Variants in ARHGEF4 observed in about 807,000 individuals in gnomAD.
The protein encoded by ARHGEF4 is Rho guanine nucleotide exchange factor 4, also known as APC-stimulated guanine nucleotide exchange factor 1.
A neutral mutation model predicts 162.0 loss-of-function variants in ARHGEF4; 119 were observed. The ratio of observed to expected loss-of-function variants is 0.73; its 90% CI spans 0.63 to 0.86. The LOEUF (loss-of-function observed/expected upper bound fraction) is 0.86, where lower values mean the gene tolerates loss of function less well. Ranked by LOEUF, ARHGEF4 falls within the 40% of genes least tolerant of loss-of-function variation. ARHGEF4 has a pLI of 0.00. For missense variants in ARHGEF4, 2,488 were observed against 2,456.0 expected (o/e 1.01, Z -0.28); for synonymous variants, 1,014 against 979.9 (o/e 1.03, Z -0.65).
chr2:131,033,197 A>G (rs1008624665), intron 5 of ARHGEF4, among the ~76,000 whole-genome samples: 5 of 152,176 alleles, frequency 3.3e-5, no homozygotes, highest in Admixed American at 3.3e-4. Flanking sequence ...TGAAACTCAC[A>G]TAGGAAAGCT....
chr2:130,855,570 GA>G (rs1479940071), intron 1 of ARHGEF4, among the ~76,000 whole-genome samples: 2 of 152,092 alleles, frequency 1.3e-5, no homozygotes, highest in Non-Finnish European at 2.9e-5. Flanking sequence ...AAGCTCCCCT[GA>G]GCCTTGGTGC....
chr2:130,964,676 C>G (rs898442145), intron 4 of ARHGEF4, among the ~76,000 whole-genome samples: 1 of 152,254 alleles, frequency 6.6e-6, no homozygotes. Context: ...GGAAGGGGGC[C>G]GCTGGCCGAG....
chr2:130,877,362 C>T (rs904602912), intron 1 of ARHGEF4, among the ~76,000 whole-genome samples: 2 of 152,146 alleles, frequency 1.3e-5, no homozygotes, highest in East Asian at 3.8e-4. Flanking sequence ...TGTGGAAAGC[C>T]TAACTTGAGC....
intron 1 of ARHGEF4, among the ~76,000 whole-genome samples, chr2:130,902,604 G>GAAAAGAAA (rs1680550601): frequency 6.6e-6 from 1 of 150,934 alleles, no homozygotes; most frequent in African/African-American, 2.4e-5. Flanking sequence ...AAAAATGAAA[G>GAAAAGAAA]GAAAGAAAAG....
At chr2:130,850,828 C>T (rs1681358929) in intron 1 of ARHGEF4, among the ~76,000 whole-genome samples, 1 of 152,252 alleles carries the variant, frequency 6.6e-6, no homozygotes, top group Non-Finnish European at 1.5e-5. Flanking sequence ...TACAGTCTTT[C>T]CAACAAGACC....
intron 2 of ARHGEF4, among the ~76,000 whole-genome samples, chr2:130,927,238 G>A (rs563250251): frequency 6.6e-6 from 1 of 152,200 alleles, no homozygotes; most frequent in East Asian, 1.9e-4. Context: ...GGTGGTGAAG[G>A]TGCTGGCTCT....
At chr2:130,958,891 G>A (rs1244174897) in intron 4 of ARHGEF4, among the ~76,000 whole-genome samples, 1 of 151,806 alleles carries the variant, frequency 6.6e-6, no homozygotes, top group Non-Finnish European at 1.5e-5. Context: ...GAGAGTCTTA[G>A]AGCAGATGTT....
At chr2:131,044,568 C>T (rs1315876836) in intron 12 of ARHGEF4, 26 bp downstream of exon 12, 1 of 1,539,952 alleles carries the variant, frequency 6.5e-7, no homozygotes, top group South Asian at 1.2e-5. Flanking sequence ...GGGCCTTGCC[C>T]CGCCCCCAGG....
chr2:130,895,615 T>C (rs1040490101), intron 1 of ARHGEF4, among the ~76,000 whole-genome samples: 8 of 152,252 alleles, frequency 5.3e-5, no homozygotes, highest in African/African-American at 1.9e-4. Context: ...TCACTTCATG[T>C]GCTTATTTGC....
intron 1 of ARHGEF4, among the ~76,000 whole-genome samples, chr2:130,845,559 A>C (rs1373194317): frequency 6.6e-6 from 1 of 151,584 alleles, no homozygotes; most frequent in South Asian, 2.1e-4. Flanking sequence ...GGCCTCCCAA[A>C]GTGCTGGGAT....
chr2:130,871,009 CAG>C (rs1371601848), intron 1 of ARHGEF4, among the ~76,000 whole-genome samples: 1 of 152,104 alleles, frequency 6.6e-6, no homozygotes, highest in African/African-American at 2.4e-5. Context: ...AGAGTGTGCT[CAG>C]GGGCTCCCTA....
intron 1 of ARHGEF4, among the ~76,000 whole-genome samples, chr2:130,853,933 A>T (rs1444647155): frequency 6.6e-6 from 1 of 152,188 alleles, no homozygotes. Flanking sequence ...AGCCTTGCCC[A>T]TACCTTGCTG....
Position 130,917,245 on chromosome 2 carries a change from G to C in ARHGEF4, c.3299G>C (p.Ser1100Thr). The C allele has an allele frequency of 6.4e-7, 1 of 1,550,532 alleles. No individual in the cohort carries two copies. ...CCCAAGCCCCTGAGTCCCAGGCCTA[G>C]TGCTCAGCGGATGGGTCTCCACTAC... ...TSPKPLSPRP[S>T]AQRMGLHYPG... is the part of the protein sequence containing the mutation. Residue 1100 changes from serine (S) to threonine (T), a missense_variant, in exon 2 of 14, where the codon AGT becomes ACT. Coordinates refer to ENST00000409359, the MANE Select transcript of ARHGEF4 (RefSeq NM_001367493.1).
intron 4 of ARHGEF4, among the ~76,000 whole-genome samples, chr2:130,963,382 T>C (rs1369850779): frequency 6.6e-6 from 1 of 151,756 alleles, no homozygotes; most frequent in Non-Finnish European, 1.5e-5. Context: ...GTCTCTGCCC[T>C]GGGCCGAGCG....
intron 4 of ARHGEF4, among the ~76,000 whole-genome samples, chr2:130,955,523 AGGAG>A (rs1460841380): frequency 6.6e-6 from 1 of 152,138 alleles, no homozygotes; most frequent in Non-Finnish European, 1.5e-5. Context: ...TTGCTCCTAA[AGGAG>A]ATACAGCACT....
chr2:130,911,859 A>T (rs1681211168), intron 1 of ARHGEF4, among the ~76,000 whole-genome samples: 1 of 152,242 alleles, frequency 6.6e-6, no homozygotes. Flanking sequence ...GCCCACTGGC[A>T]TTCTAGTCAC....
Position 130,968,762 on chromosome 2 carries a change from A to G in ARHGEF4, c.3985+22127A>G, listed in dbSNP as rs2105213294. On this transcript the variant is annotated intron_variant, in intron 4 of 13. Transcript: ENST00000409359. Reference sequence around the variant, plus strand: ...GTGAAACCCCGTCTCTACTAAAAATACAAAAATTAGCCGGGTGTGGTGGCA... The same window carrying G: ...GTGAAACCCCGTCTCTACTAAAAATGCAAAAATTAGCCGGGTGTGGTGGCA... Among the ~76,000 whole-genome samples the G allele has an allele frequency of 1.3e-5, 2 of 152,228 alleles. 1 individual carries two copies.
rs762720636 is a variant in ARHGEF4 at position 130,931,040 on chromosome 2, C to T, written c.3641C>T (p.Pro1214Leu). The T allele has an allele frequency of 6.2e-7, 1 of 1,614,162 alleles. No individual in the cohort carries two copies. The highest frequency in any genetic ancestry group is 1.1e-5 in the South Asian group (1 of 91,078). Reference sequence around the variant, plus strand: ...TTCCACATGGAGCCTGCCCAGAAGCCCTGCTTCACCACTGACATGGTGACA... The same window carrying T: ...TTCCACATGGAGCCTGCCCAGAAGCTCTGCTTCACCACTGACATGGTGACA... ...KAFHMEPAQK[P>L]CFTTDMVTWA... Residue 1214 changes from proline to leucine, a missense_variant, in exon 3 of 14, where the codon CCC (proline) becomes CTC (leucine). Pro to Leu is a moderately conservative substitution (Grantham distance 98, BLOSUM62 -3). Around this residue, in one of 6 missense-constraint regions of ARHGEF4, gnomAD observed 1,642 missense variants for 1,481.5 expected, o/e 1.11. Coordinates refer to ENST00000409359, the MANE Select transcript of ARHGEF4 (RefSeq NM_001367493.1).
chr2:130,864,656 G>A (rs781691858), intron 1 of ARHGEF4, among the ~76,000 whole-genome samples: 1 of 152,110 alleles, frequency 6.6e-6, no homozygotes, highest in Non-Finnish European at 1.5e-5. Flanking sequence ...CCCAGGAGGC[G>A]GAAGTTGTAG....
Sources: gnomAD v4.1 joint callset for allele counts (sites outside exome capture counted in the v4.1 genomes callset) on GRCh38, gnomAD v4.1.1 for gene constraint, gnomAD v4.1.1 regional missense constraint, MANE v1.5 for transcripts, NCBI Gene and HGNC (gene_info 2026-07-23, HGNC 2026-07-21) for gene names.